TF: variants seen among roughly 807,000 people sequenced by gnomAD.
The protein encoded by TF is transferrin, also known as serotransferrin.
In TF, 55 loss-of-function variants were observed where a neutral mutation model predicts 82.4. The ratio of observed to expected loss-of-function variants is 0.67; its 90% CI spans 0.54 to 0.84. The LOEUF (loss-of-function observed/expected upper bound fraction) is 0.84, where lower values mean the gene tolerates loss of function less well. TF is among the 40% of genes least tolerant of loss of function. The probability of loss-of-function intolerance (pLI) is 0.00; values close to 1 mark genes in which losing one functional copy is unlikely to be tolerated. For missense variants in TF, 737 were observed against 868.4 expected (o/e 0.85, Z 1.90); for synonymous variants, 332 against 332.6 (o/e 1.00, Z 0.02).
the TF span, among the ~76,000 whole-genome samples, chr3:133,736,631 C>CAAAAAAGCAAAAAAAA: frequency 3.1e-5 from 1 of 32,562 alleles, no homozygotes; most frequent in Non-Finnish European, 5.4e-5. Flanking sequence ...AATGGAAAGC[C>CAAAAAAGCAAAAAAAA]AAAAAAAAAA....
the TF span, among the ~76,000 whole-genome samples, chr3:133,715,326 G>T: frequency 2.0e-3 from 298 of 152,190 alleles, no homozygotes; most frequent in Middle Eastern, 0.014. Flanking sequence ...ACACCCTGCT[G>T]CCATATCTAC....
the TF span, among the ~76,000 whole-genome samples, chr3:133,729,504 C>T: frequency 2.6e-5 from 4 of 152,204 alleles, no homozygotes; most frequent in South Asian, 2.1e-4. Flanking sequence ...TTTTTAAGCC[C>T]GTCGGAAAAG....
chr3:133,747,721 T>G (rs1052655983), intron 1 of TF, among the ~76,000 whole-genome samples: 1 of 152,132 alleles, frequency 6.6e-6, no homozygotes, highest in Non-Finnish European at 1.5e-5. Flanking sequence ...ACTGTTGAAT[T>G]TGTGGAGTTT....
At chr3:133,754,705 G>C (rs774963345) in intron 4 of TF, 34 bp downstream of exon 4, 1 of 1,610,964 alleles carries the variant, frequency 6.2e-7, no homozygotes, top group South Asian at 1.1e-5. Flanking sequence ...CCCTCGAGCA[G>C]CTGCCTCTGC....
rs1288586069 is a variant in TF at position 133,792,492 on chromosome 3, T to C, written c.*13872T>C. ...AAGGCCTGAGACACGTGGAGTCAGA[T>C]GCTGGAGTCAGACCTTAAGTGTACT... is the stretch of plus-strand genomic sequence containing the variant. On this transcript the variant is annotated 3_prime_UTR_variant, in exon 17 of 17. Coordinates refer to ENST00000402696, the MANE Select transcript of TF (RefSeq NM_001063.4). 1 of 152,204 alleles carries C rather than the reference T, an allele frequency of 6.6e-6. No individual in the cohort carries two copies. Among genetic ancestry groups the C allele is most frequent in the Non-Finnish European group, 1.5e-5 (1 of 68,044 alleles). 9.4% of individuals were successfully genotyped at this position (152,204 alleles called of 1,614,324 possible).
At chr3:133,716,880 A>T in the TF span, among the ~76,000 whole-genome samples, 1 of 151,742 alleles carries the variant, frequency 6.6e-6, no homozygotes. Context: ...TTCCTTGAAG[A>T]CCTCAGGCAC....
rs1415765778 is a variant in TF at position 133,790,665 on chromosome 3, C to A, written c.*12045C>A. 1 of 152,198 alleles carries A rather than the reference C, an allele frequency of 6.6e-6. No homozygotes were observed. Among genetic ancestry groups the A allele is most frequent in the Non-Finnish European group, 1.5e-5 (1 of 68,042 alleles). The allele number at this position is 152,198 out of a possible 1,614,324, so 9.4% of individuals were successfully genotyped here. On this transcript the variant is annotated 3_prime_UTR_variant, in exon 17 of 17. Transcript: ENST00000402696. ...GAAATGCATCGGCAGTTTGGCAATT[C>A]CTTTTTACTATAGTTAAGCATGAAG...
In TF at chr3:133,789,418, CA is replaced by C. The variant is rs1162203175; in HGVS notation, c.*10799del. The C allele has an allele frequency of 6.6e-6, 1 of 152,192 alleles. No homozygotes were observed. The highest frequency in any genetic ancestry group is 6.5e-5 in the Admixed American group (1 of 15,284). 9.4% of individuals were successfully genotyped at this position (152,192 alleles called of 1,614,324 possible). On this transcript the variant is annotated 3_prime_UTR_variant, in exon 17 of 17. Transcript: ENST00000402696. ...GTTTGGCCTTTAAAAATCAAACTGC[CA>C]TGGAAATTGCTTTACCTGAAATAAT...
chr3:133,766,289 A>G lies in TF; in HGVS notation c.1342A>G (p.Ile448Val), dbSNP rs2692696. The change falls in exon 12 of 17, where the codon ATA becomes GTA. Residue 448 changes from isoleucine (I) to valine (V), a missense_variant. Transcript: ENST00000402696. ...EDTPEAGYFA[I>V]AVVKKSASDL... is the part of the protein sequence containing the mutation. Reference sequence around the variant, plus strand: ...TGTCTTTCTTGTAGGGTATTTTGCTATAGCAGTGGTGAAGAAATCAGCTTC... The same window carrying G: ...TGTCTTTCTTGTAGGGTATTTTGCTGTAGCAGTGGTGAAGAAATCAGCTTC... 1 allele frequency: 1,610,885 copies of G among 1,614,208 alleles called. 803,902 individuals carry two copies. The highest frequency in any genetic ancestry group is 1 in the Middle Eastern group (6,060 of 6,060).
the TF span, among the ~76,000 whole-genome samples, chr3:133,673,625 A>G: frequency 3.3e-5 from 5 of 152,228 alleles, no homozygotes; most frequent in African/African-American, 1.2e-4. Context: ...GTATGATTCC[A>G]TCTGCATAAA....
chr3:133,753,101 G>A (rs1375852035), intron 2 of TF, among the ~76,000 whole-genome samples: 1 of 152,176 alleles, frequency 6.6e-6, no homozygotes, highest in Non-Finnish European at 1.5e-5. Flanking sequence ...GACCTCAAAG[G>A]AAGTCTCAAA....
the TF span, among the ~76,000 whole-genome samples, chr3:133,707,190 TCACACACACACA>T: frequency 1.4e-5 from 2 of 144,626 alleles, no homozygotes; most frequent in Non-Finnish European, 3.0e-5. Context: ...AACCTCAGAG[TCACACACACACA>T]CACACACACA....
At chr3:133,682,758 G>GGA in the TF span, among the ~76,000 whole-genome samples, 185 of 151,762 alleles carry the variant, frequency 1.2e-3, 1 homozygote, top group Non-Finnish European at 2.4e-3. Context: ...GTGACGGGGA[G>GGA]TGGAACCAAG....
chr3:133,748,428 C>T lies in TF; in HGVS notation c.60C>T (p.Val20=), dbSNP rs756125441. ...VCAVLGLCLA[V]PDKTVRWCAV... ...CTCCCCCAGGGCTGTGTCTGGCTGT[C>T]CCTGATAAAACTGTGAGATGGTGTG... is the stretch of plus-strand genomic sequence containing the variant. The change falls in exon 2 of 17, where the codon GTC becomes GTT. Residue 20 remains valine (V), a synonymous_variant. Transcript: ENST00000402696. 8.7e-6 allele frequency: 14 copies of T among 1,614,114 alleles called. No homozygotes were observed. Among genetic ancestry groups the T allele is most frequent in the Non-Finnish European group, 1.2e-5 (14 of 1,180,020 alleles).
chr3:133,680,954 C>T, the TF span, among the ~76,000 whole-genome samples: 2 of 152,132 alleles, frequency 1.3e-5, no homozygotes, highest in African/African-American at 2.4e-5. Flanking sequence ...AGGAAAGAAA[C>T]GTGCTTGGCA....
chr3:133,752,027 A>G lies in TF; in HGVS notation c.217-1568A>G, dbSNP rs72974353. The stretch of plus-strand genomic sequence containing the variant: ...TCTTACAACATATTTTATTTCATTT[A>G]GAAATACTATTGTCTTATTACTTGA... On this transcript the variant is annotated intron_variant, in intron 2 of 16. Transcript: ENST00000402696. Among the ~76,000 whole-genome samples, 552 of 152,226 alleles carry G rather than the reference A, an allele frequency of 3.6e-3. 2 individuals carry two copies. The highest frequency in any genetic ancestry group is 0.012 in the African/African-American group (508 of 41,540).
rs752485465 is a variant in TF, at chr3:133,757,853, C to T, written c.955C>T (p.His319Tyr). Residue 319 changes from histidine to tyrosine, a missense_variant, in exon 8 of 17, where the codon CAC becomes TAC. Transcript: ENST00000402696. Reference protein sequence around the residue: ...GKDLLFKDSAHGFLKVPPRMD... With the variant: ...GKDLLFKDSAYGFLKVPPRMD... ...GGACCTGCTGTTTAAGGACTCTGCC[C>T]ACGGGTTTTTAAAAGTCCCCCCCAG... 7.4e-6 allele frequency: 12 copies of T among 1,614,090 alleles called. No individual in the cohort carries two copies. The African/African-American group carries it at 8.0e-5, about 11-fold the overall frequency.
the TF span, among the ~76,000 whole-genome samples, chr3:133,716,901 C>T: frequency 2.6e-5 from 4 of 152,232 alleles, no homozygotes; most frequent in African/African-American, 9.6e-5. Context: ...ACTCCTTCCC[C>T]GGGGACTTTG....
At chr3:133,775,665 G>A (rs780913719) in intron 15 of TF, 48 bp downstream of exon 15, 1 of 1,595,844 alleles carries the variant, frequency 6.3e-7, no homozygotes, top group South Asian at 1.1e-5. Context: ...GATGGCCATA[G>A]GCTATTCGGG....
Sources: allele counts gnomAD v4.1 joint callset (sites outside exome capture counted in the v4.1 genomes callset), GRCh38; gene constraint gnomAD v4.1.1; transcripts MANE v1.5; gene names NCBI Gene and HGNC (gene_info 2026-07-23, HGNC 2026-07-21).